FSTL4: variants seen among roughly 807,000 people sequenced by gnomAD.
FSTL4 encodes follistatin-related protein 4.
Under a neutral mutation model 78.2 loss-of-function variants are expected in FSTL4, and 28 were observed. The ratio of observed to expected loss-of-function variants is 0.36; its 90% CI spans 0.27 to 0.49. FSTL4 has a LOEUF of 0.49. Among genes scored for constraint, FSTL4 ranks in the 20% least tolerant of loss-of-function variants. FSTL4 has a pLI of 0.98. For missense variants in FSTL4, 922 were observed against 1,084.9 expected (o/e 0.85, Z 2.11); for synonymous variants, 422 against 440.5 (o/e 0.96, Z 0.53).
chr5:133,603,259 G>C (rs192225027), intron 2 of FSTL4, among the ~76,000 whole-genome samples: 1 of 152,142 alleles, frequency 6.6e-6, no homozygotes, highest in African/African-American at 2.4e-5. Flanking sequence ...ATAAGACCAG[G>C]GTTCACTAAG....
chr5:133,755,237 A>C, the FSTL4 span, among the ~76,000 whole-genome samples: 16 of 152,254 alleles, frequency 1.1e-4, no homozygotes, highest in Admixed American at 2.6e-4. Flanking sequence ...AATTCCTAGA[A>C]AGGGATGCAG....
At chr5:133,572,561 G>A (rs73788154) in intron 2 of FSTL4, among the ~76,000 whole-genome samples, 109 of 151,986 alleles carry the variant, frequency 7.2e-4, no homozygotes, top group African/African-American at 2.4e-3. Flanking sequence ...AGGCAAAAAC[G>A]CAGAAAATTA....
At chr5:133,421,695 C>A (rs997374290) in intron 3 of FSTL4, among the ~76,000 whole-genome samples, 8 of 152,216 alleles carry the variant, frequency 5.3e-5, no homozygotes, top group African/African-American at 1.9e-4. Context: ...GAGCCCATCC[C>A]GCCACCTTGA....
At chr5:133,592,952 G>A (rs995467809) in intron 2 of FSTL4, among the ~76,000 whole-genome samples, 1 of 152,052 alleles carries the variant, frequency 6.6e-6, no homozygotes, top group Non-Finnish European at 1.5e-5. Context: ...AATGGGCTAA[G>A]ACAATTGGCC....
chr5:133,411,650 A>T (rs1052940172), intron 3 of FSTL4, among the ~76,000 whole-genome samples: 1 of 152,214 alleles, frequency 6.6e-6, no homozygotes, highest in Non-Finnish European at 1.5e-5. Flanking sequence ...AACTGTTTCC[A>T]ATTAAAATCA....
chr5:133,660,913 T>A, the FSTL4 span, among the ~76,000 whole-genome samples: 130,257 of 152,274 alleles, frequency 0.86, 55,960 homozygotes, highest in East Asian at 0.98. Context: ...AGACAGACAC[T>A]AACCAGTATG....
the FSTL4 span, among the ~76,000 whole-genome samples, chr5:133,750,370 G>A: frequency 2.0e-5 from 3 of 152,200 alleles, no homozygotes; most frequent in African/African-American, 4.8e-5. Context: ...CACTTTCTGT[G>A]CCCATTTCCT....
chr5:133,733,936 C>T, the FSTL4 span, among the ~76,000 whole-genome samples: 1 of 152,182 alleles, frequency 6.6e-6, no homozygotes, highest in African/African-American at 2.4e-5. Context: ...CGCCTCAGTG[C>T]CTCCCCATGT....
At position 133,230,451 on chromosome 5, in the gene FSTL4, T is replaced by C. The variant is rs536153763; in HGVS notation, c.1015+2966A>G. 2.0e-5 allele frequency among the ~76,000 whole-genome samples: 3 copies of C among 152,338 alleles called. No individual in the cohort carries two copies. In the South Asian group the frequency reaches 6.2e-4, roughly 32 times the overall value. Reference sequence around the variant, plus strand: ...GAAACCTGCCTGCAAGTCAAGGGTGTGGAATGAATCATTCCCTTAAAAATA... The same window carrying C: ...GAAACCTGCCTGCAAGTCAAGGGTGCGGAATGAATCATTCCCTTAAAAATA... On this transcript the variant is annotated intron_variant, in intron 8 of 15. Transcript: ENST00000265342.
chr5:133,209,550 G>T (rs902523304), intron 14 of FSTL4, among the ~76,000 whole-genome samples: 1 of 152,152 alleles, frequency 6.6e-6, no homozygotes, highest in African/African-American at 2.4e-5. Context: ...TCCTCTTATG[G>T]ATCCCTGATG....
the FSTL4 span, among the ~76,000 whole-genome samples, chr5:133,815,431 T>A: frequency 4.6e-5 from 7 of 152,222 alleles, no homozygotes; most frequent in African/African-American, 1.7e-4. Flanking sequence ...CCTGAGAGAT[T>A]CACGTTGGGT....
chr5:133,356,595 G>A (rs1331162287), intron 4 of FSTL4, among the ~76,000 whole-genome samples: 2 of 152,344 alleles, frequency 1.3e-5, no homozygotes, highest in East Asian at 3.9e-4. Context: ...TTACCAGAGA[G>A]GCCCCAGGAG....
chr5:133,266,407 C>T (rs1242471544), intron 6 of FSTL4, among the ~76,000 whole-genome samples: 4 of 152,256 alleles, frequency 2.6e-5, no homozygotes, highest in Non-Finnish European at 2.9e-5. Context: ...GTGAAATCTG[C>T]CCATTAAAAT....
chr5:133,199,011 G>A lies in FSTL4; in HGVS notation c.*84C>T, dbSNP rs879344879. Reference sequence around the variant, plus strand: ...CGAGTACAGGTTTTTGCTTTTGTCTGTAAAAATGTACAGCGTACCTGCTTG... The same window carrying A: ...CGAGTACAGGTTTTTGCTTTTGTCTATAAAAATGTACAGCGTACCTGCTTG... On this transcript the variant is annotated 3_prime_UTR_variant, in exon 16 of 16. Coordinates refer to ENST00000265342, the MANE Select transcript of FSTL4 (RefSeq NM_015082.2). This position sits in a 1 kb window ranked among gnomAD's most constrained non-coding sequence, Gnocchi z 4.4. The A allele has an allele frequency of 3.2e-5, 28 of 862,772 alleles. No individual in the cohort carries two copies. The highest frequency in any genetic ancestry group is 5.8e-5 in the Admixed American group (2 of 34,640). The allele number at this position is 862,772 out of a possible 1,614,324, so 53.4% of individuals were successfully genotyped here. A position where few individuals can be genotyped will look rare whatever the true frequency, so the allele number is the denominator to read the frequency against.
At chr5:133,808,620 G>A in the FSTL4 span, among the ~76,000 whole-genome samples, 1 of 152,170 alleles carries the variant, frequency 6.6e-6, no homozygotes, top group African/African-American at 2.4e-5. Flanking sequence ...ATCTTGGCTT[G>A]TTTCCTTCAG....
At chr5:133,357,838 G>C (rs973246757) in intron 4 of FSTL4, among the ~76,000 whole-genome samples, 1 of 152,198 alleles carries the variant, frequency 6.6e-6, no homozygotes, top group Non-Finnish European at 1.5e-5. Context: ...GTGTGCTAGG[G>C]CCACAAAACA....
chr5:133,610,148 G>T (rs920585597), intron 1 of FSTL4, among the ~76,000 whole-genome samples: 8 of 152,180 alleles, frequency 5.3e-5, no homozygotes, highest in African/African-American at 1.9e-4. Context: ...AGGAAAAAAA[G>T]TCCTCAGTGA....
the FSTL4 span, among the ~76,000 whole-genome samples, chr5:133,797,753 T>A: frequency 6.6e-6 from 1 of 152,280 alleles, no homozygotes; most frequent in South Asian, 2.1e-4. Flanking sequence ...CTGGGGTACC[T>A]TATCTGCATC....
At chr5:133,739,116 A>G in the FSTL4 span, among the ~76,000 whole-genome samples, 1 of 152,186 alleles carries the variant, frequency 6.6e-6, no homozygotes, top group African/African-American at 2.4e-5. Context: ...CAAAGCACCT[A>G]TGATTTTTTT....
Sources: gnomAD v4.1 joint callset for allele counts (sites outside exome capture counted in the v4.1 genomes callset) on GRCh38, gnomAD v4.1.1 for gene constraint, Gnocchi (gnomAD v3.1) non-coding constraint, MANE v1.5 for transcripts, NCBI Gene and HGNC (gene_info 2026-07-23, HGNC 2026-07-21) for gene names.